The following UNC5D variants were observed in gnomAD, a reference collection of about 807,000 sequenced individuals.
The protein encoded by UNC5D is netrin receptor UNC5D.
UNC5D carries 39 observed loss-of-function variants against 105.4 expected under a neutral mutation model. The observed-to-expected ratio is 0.37, with a 90% CI of 0.29 to 0.48. The LOEUF (loss-of-function observed/expected upper bound fraction) is 0.48, where lower values mean the gene tolerates loss of function less well. Among genes scored for constraint, UNC5D ranks in the 20% least tolerant of loss-of-function variants. The pLI, the probability that UNC5D is intolerant of heterozygous loss-of-function variation, is 0.98. For synonymous variants in UNC5D, 452 were observed against 450.4 expected, an observed-to-expected ratio of 1.00 and a Z score of -0.04; for missense variants, 991 against 1,202.4, an observed-to-expected ratio of 0.82 and a Z score of 2.60.
At chr8:35,564,082 TTGTC>T (rs1488397636) in intron 2 of UNC5D, among the ~76,000 whole-genome samples, 6 of 152,146 alleles carry the variant, frequency 3.9e-5, no homozygotes, top group Non-Finnish European at 8.8e-5. Flanking sequence ...TATTGTGTCT[TTGTC>T]TGATTTTGGT....
At chr8:35,784,853 C>A (rs1802672333) in intron 16 of UNC5D, among the ~76,000 whole-genome samples, 1 of 152,122 alleles carries the variant, frequency 6.6e-6, no homozygotes, top group Non-Finnish European at 1.5e-5. Flanking sequence ...TTCAGAATTA[C>A]CTCCATTGAT....
At chr8:35,412,742 G>T (rs1300999725) in intron 1 of UNC5D, among the ~76,000 whole-genome samples, 2 of 152,086 alleles carry the variant, frequency 1.3e-5, no homozygotes, top group East Asian at 3.9e-4. Flanking sequence ...GTTCTGATGA[G>T]ACTTTTCTAC....
intron 2 of UNC5D, among the ~76,000 whole-genome samples, chr8:35,555,561 C>A (rs1038491920): frequency 9.2e-5 from 14 of 152,108 alleles, no homozygotes; most frequent in African/African-American, 3.1e-4. Context: ...GGCACGGTTG[C>A]TCATGCCTGT....
rs893617824 is a variant in UNC5D, at chr8:35,235,968, G to A, written c.103+81G>A. 4 of 1,166,884 alleles carry A rather than the reference G, an allele frequency of 3.4e-6. No individual in the cohort carries two copies. The African/African-American group carries it at 4.8e-5, about 14-fold the overall frequency. The allele number at this position is 1,166,884 out of a possible 1,614,324, so 72.3% of individuals were successfully genotyped here. ...ACGGAGCGGGACCTGCACCGATGGC[G>A]TTGGCTTCCCAACTTGCGCCCTGCA... On this transcript the variant is annotated intron_variant, in intron 1 of 16. Transcript: ENST00000404895.
At chr8:35,408,394 G>C (rs1443688945) in intron 1 of UNC5D, among the ~76,000 whole-genome samples, 1 of 151,220 alleles carries the variant, frequency 6.6e-6, no homozygotes, top group Non-Finnish European at 1.5e-5. Context: ...AACAATGATA[G>C]TCTTAACGCA....
chr8:35,572,692 G>C (rs960601136), intron 3 of UNC5D, among the ~76,000 whole-genome samples: 1 of 152,062 alleles, frequency 6.6e-6, no homozygotes, highest in Non-Finnish European at 1.5e-5. Context: ...CCCAGAAGCA[G>C]TGTTTCTCAA....
intron 4 of UNC5D, among the ~76,000 whole-genome samples, chr8:35,656,487 A>AGG (rs1304560620): frequency 3.7e-4 from 56 of 152,348 alleles, no homozygotes; most frequent in Admixed American, 2.0e-3. Context: ...CCAAGGGAAA[A>AGG]GCATTAAGAG....
intron 12 of UNC5D, 115 bp downstream of exon 12, chr8:35,748,810 G>T (rs542630706): frequency 1.1e-5 from 13 of 1,232,016 alleles, no homozygotes; most frequent in South Asian, 3.2e-5. Context: ...CAAAGGGTTG[G>T]TGGCAAGTGT....
At chr8:35,784,230 GA>G (rs1000664345) in intron 16 of UNC5D, among the ~76,000 whole-genome samples, 4 of 152,198 alleles carry the variant, frequency 2.6e-5, no homozygotes, top group African/African-American at 9.6e-5. Context: ...TTAAGCTCAA[GA>G]AAACAAAATT....
intron 1 of UNC5D, among the ~76,000 whole-genome samples, chr8:35,493,047 C>G (rs888860538): frequency 4.6e-5 from 7 of 151,934 alleles, no homozygotes; most frequent in African/African-American, 1.4e-4. Flanking sequence ...TTCCTCAGTT[C>G]GACAAGGAAA....
chr8:35,712,730 C>T (rs1828033986), intron 8 of UNC5D, among the ~76,000 whole-genome samples: 1 of 152,160 alleles, frequency 6.6e-6, no homozygotes, highest in Non-Finnish European at 1.5e-5. Context: ...ATTTAGCATG[C>T]TCTTTTAGGC....
chr8:35,625,254 G>A (rs1001758768), intron 4 of UNC5D, among the ~76,000 whole-genome samples: 19 of 152,150 alleles, frequency 1.2e-4, no homozygotes, highest in Middle Eastern at 3.4e-3. Flanking sequence ...TTAGAAATGC[G>A]CCTTATAGGT....
chr8:35,533,306 G>A (rs1164189207), intron 1 of UNC5D, among the ~76,000 whole-genome samples: 13 of 152,200 alleles, frequency 8.5e-5, no homozygotes, highest in East Asian at 3.9e-4. Context: ...ATACCCTGCC[G>A]TGTGAGGGGT....
intron 1 of UNC5D, among the ~76,000 whole-genome samples, chr8:35,442,904 TCACACACACACACA>T (rs373759766): frequency 2.1e-5 from 3 of 141,356 alleles, no homozygotes; most frequent in African/African-American, 2.7e-5. Flanking sequence ...TCTCTCTCTC[TCACACACACACACA>T]CACACACACA....
intron 1 of UNC5D, among the ~76,000 whole-genome samples, chr8:35,347,369 C>A (rs757117245): frequency 1.3e-5 from 2 of 151,950 alleles, no homozygotes; most frequent in Non-Finnish European, 2.9e-5. Context: ...ATTTTGCTTA[C>A]ATGTGTGATG....
intron 1 of UNC5D, among the ~76,000 whole-genome samples, chr8:35,247,217 G>A (rs983481166): frequency 8.9e-5 from 13 of 146,374 alleles, no homozygotes; most frequent in Non-Finnish European, 1.6e-4. Context: ...TCTGTTAAAG[G>A]ATGTTTTCCT....
chr8:35,669,175 ATT>A (rs1228011007), intron 4 of UNC5D, among the ~76,000 whole-genome samples: 2 of 152,186 alleles, frequency 1.3e-5, no homozygotes, highest in African/African-American at 4.8e-5. Flanking sequence ...TGTTGAAGAT[ATT>A]TATTTCAATG....
At chr8:35,315,858 C>T (rs1809262000) in intron 1 of UNC5D, among the ~76,000 whole-genome samples, 1 of 152,082 alleles carries the variant, frequency 6.6e-6, no homozygotes, top group Admixed American at 6.6e-5. Flanking sequence ...CCATTGTGCT[C>T]TGTGGGCTTT....
At chr8:35,731,817 G>A (rs755635704) in intron 11 of UNC5D, among the ~76,000 whole-genome samples, 30 of 152,102 alleles carry the variant, frequency 2.0e-4, no homozygotes, top group Non-Finnish European at 3.7e-4. Flanking sequence ...TATACTGCCC[G>A]AGAGACAATT....
Sources: gnomAD v4.1 joint callset for allele counts (sites outside exome capture counted in the v4.1 genomes callset) on GRCh38, gnomAD v4.1.1 for gene constraint, MANE v1.5 for transcripts, NCBI Gene and HGNC (gene_info 2026-07-23, HGNC 2026-07-21) for gene names.